Variants in ZNF521 observed in about 807,000 individuals in gnomAD.
ZNF521 encodes zinc finger protein 521, also known as LYST-interacting protein 3.
Under a neutral mutation model 105.5 loss-of-function variants are expected in ZNF521, and 14 were observed. The ratio of observed to expected loss-of-function variants is 0.13; its 90% CI spans 0.09 to 0.21. The LOEUF (loss-of-function observed/expected upper bound fraction) is 0.21, where lower values mean the gene tolerates loss of function less well. Among genes scored for constraint, ZNF521 ranks in the 10% least tolerant of loss-of-function variants. The pLI is 1.00. For synonymous variants in ZNF521, 635 were observed against 606.0 expected, an observed-to-expected ratio of 1.05 and a Z score of -0.70; for missense variants, 1,233 against 1,629.7, an observed-to-expected ratio of 0.76 and a Z score of 4.19.
intron 3 of ZNF521, among the ~76,000 whole-genome samples, chr18:25,263,606 C>G (rs983916704): frequency 6.6e-6 from 1 of 151,316 alleles, no homozygotes; most frequent in Admixed American, 6.6e-5. Context: ...AACAGAGTCT[C>G]GCTCTGTCGC....
At chr18:25,328,402 A>AACAC (rs57967888) in intron 2 of ZNF521, among the ~76,000 whole-genome samples, 1,918 of 141,726 alleles carry the variant, frequency 0.014, 14 homozygotes, top group Non-Finnish European at 0.013. Flanking sequence ...GGGGAGGTTA[A>AACAC]ACACACACAC....
intron 2 of ZNF521, among the ~76,000 whole-genome samples, chr18:25,336,014 A>G (rs1005197671): frequency 6.6e-6 from 1 of 152,194 alleles, no homozygotes; most frequent in African/African-American, 2.4e-5. Context: ...AACAGTTAGG[A>G]TTTACTGCAG....
chr18:25,239,478 G>A (rs1417124053), intron 3 of ZNF521, among the ~76,000 whole-genome samples: 2 of 152,150 alleles, frequency 1.3e-5, no homozygotes, highest in African/African-American at 4.8e-5. Context: ...CACTATCAAA[G>A]GTAGCTCATC....
At position 25,227,237 on chromosome 18, in the gene ZNF521, G is replaced by T; in HGVS notation, c.681C>A (p.Asn227Lys). 1 of 1,614,148 alleles carries T rather than the reference G, an allele frequency of 6.2e-7. No individual in the cohort carries two copies. Among genetic ancestry groups the T allele is most frequent in the Non-Finnish European group, 8.5e-7 (1 of 1,180,022 alleles). The change falls in exon 4 of 8, where the codon AAC becomes AAA. Residue 227 changes from asparagine to lysine, a missense_variant. Physicochemically the swap from Asn to Lys is moderately conservative, Grantham distance 94 (BLOSUM62 0). This residue lies in a region of ZNF521 where 380 missense variants were observed against 478.0 expected (regional missense o/e 0.80). Transcript: ENST00000361524. The surrounding 1 kb of genome is among the most constrained non-coding windows in gnomAD (Gnocchi z 5.7). The stretch of plus-strand genomic sequence containing the variant: ...TGGAACCGGACTGAGAGCCGTCCTT[G>T]TTCCTCTCATGAACCTGCATGTGTC... ...LHGHMQVHER[N>K]KDGSQSGSRM... is the part of the protein sequence containing the mutation.
chr18:25,347,325 G>A (rs532320174), intron 2 of ZNF521, among the ~76,000 whole-genome samples: 1 of 152,290 alleles, frequency 6.6e-6, no homozygotes, highest in East Asian at 1.9e-4. Context: ...TTAAATAGAA[G>A]GGGTTATCCA....
At chr18:25,305,247 A>C (rs1274226547) in intron 3 of ZNF521, among the ~76,000 whole-genome samples, 1 of 152,214 alleles carries the variant, frequency 6.6e-6, no homozygotes, top group African/African-American at 2.4e-5. Context: ...ATGAGGTATC[A>C]ATATTTTTCA....
At chr18:25,216,521 G>C (rs1905331971) in intron 4 of ZNF521, among the ~76,000 whole-genome samples, 2 of 152,180 alleles carry the variant, frequency 1.3e-5, no homozygotes, top group Admixed American at 6.5e-5. Context: ...CTTATGATAA[G>C]TTGATGGGCA....
At chr18:25,117,829 A>C (rs985073759) in intron 5 of ZNF521, among the ~76,000 whole-genome samples, 1 of 152,112 alleles carries the variant, frequency 6.6e-6, no homozygotes, top group Non-Finnish European at 1.5e-5. Flanking sequence ...TAATAGTTTA[A>C]AAAATAATGG....
intron 7 of ZNF521, chr18:25,082,492 G>C (rs909409778): frequency 4.8e-6 from 2 of 420,854 alleles, no homozygotes; most frequent in Admixed American, 5.3e-5. Context: ...CACATGATAA[G>C]AGGCAAGACA....
Position 25,225,276 on chromosome 18 carries a change from G to A in ZNF521, c.2642C>T (p.Thr881Ile), listed in dbSNP as rs747261186. 6.2e-7 allele frequency: 1 copy of A among 1,614,110 alleles called. No individual in the cohort carries two copies. Among genetic ancestry groups the A allele is most frequent in the Non-Finnish European group, 8.5e-7 (1 of 1,180,018 alleles). Residue 881 changes from threonine (T) to isoleucine (I), a missense_variant, in exon 4 of 8, where the codon ACC (threonine) becomes ATC (isoleucine). Transcript: ENST00000361524. This position sits in a 1 kb window ranked among gnomAD's most constrained non-coding sequence, Gnocchi z 5.6. The stretch of plus-strand genomic sequence containing the variant: ...GTCGCAGCCGTACATAGGCTCAGAG[G>A]TGTCAACGTCTTCTTCGCTCCCATC... ...SHDGSEEDVD[T>I]SEPMYGCDIC...
chr18:25,064,002 G>A (rs1277614478), intron 7 of ZNF521, among the ~76,000 whole-genome samples: 1 of 152,204 alleles, frequency 6.6e-6, no homozygotes, highest in Non-Finnish European at 1.5e-5. Flanking sequence ...TCTCACTCAT[G>A]CCAATAATTC....
intron 5 of ZNF521, among the ~76,000 whole-genome samples, chr18:25,182,617 C>T (rs2035651154): frequency 4.6e-5 from 7 of 152,070 alleles, no homozygotes; most frequent in Admixed American, 4.6e-4. Flanking sequence ...AATCTCAAAA[C>T]AAAATGTACT....
At chr18:25,161,486 T>C (rs1438028483) in intron 5 of ZNF521, among the ~76,000 whole-genome samples, 1 of 152,196 alleles carries the variant, frequency 6.6e-6, no homozygotes, top group African/African-American at 2.4e-5. Context: ...ATGGCCAGCA[T>C]TGTGAATGAA....
intron 5 of ZNF521, among the ~76,000 whole-genome samples, chr18:25,111,225 T>C (rs773376426): frequency 6.6e-6 from 1 of 152,128 alleles, no homozygotes; most frequent in Non-Finnish European, 1.5e-5. Context: ...AAAGTTTTCT[T>C]TATTTTACAT....
At chr18:25,325,284 C>T (rs1156780619) in intron 2 of ZNF521, among the ~76,000 whole-genome samples, 2 of 152,220 alleles carry the variant, frequency 1.3e-5, no homozygotes, top group Admixed American at 1.3e-4. Context: ...AAAGCTTACA[C>T]TGTCAACCAT....
chr18:25,150,895 T>TTC (rs1873529844), intron 5 of ZNF521, among the ~76,000 whole-genome samples: 1 of 148,622 alleles, frequency 6.7e-6, no homozygotes, highest in African/African-American at 2.5e-5. Flanking sequence ...TTTTTTCTTT[T>TTC]TTTTTTTTTT....
chr18:25,108,681 G>A (rs2034122325), intron 5 of ZNF521, among the ~76,000 whole-genome samples: 1 of 152,186 alleles, frequency 6.6e-6, no homozygotes, highest in Non-Finnish European at 1.5e-5. Context: ...TTGGAGTGCA[G>A]TGGCTCGATC....
At chr18:25,158,814 G>A (rs973498986) in intron 5 of ZNF521, among the ~76,000 whole-genome samples, 25 of 152,084 alleles carry the variant, frequency 1.6e-4, no homozygotes, top group Admixed American at 7.9e-4. Flanking sequence ...AAAATTAGCC[G>A]GTGTGGTGGT....
intron 3 of ZNF521, among the ~76,000 whole-genome samples, chr18:25,264,373 A>C (rs918855972): frequency 6.6e-6 from 1 of 152,198 alleles, no homozygotes; most frequent in African/African-American, 2.4e-5. Context: ...AACTGAGTTG[A>C]TTAAATTCCT....
Sources: gnomAD v4.1 joint callset for allele counts (sites outside exome capture counted in the v4.1 genomes callset) on GRCh38, gnomAD v4.1.1 for gene constraint, gnomAD v4.1.1 regional missense constraint, Gnocchi (gnomAD v3.1) non-coding constraint, MANE v1.5 for transcripts, NCBI Gene and HGNC (gene_info 2026-07-23, HGNC 2026-07-21) for gene names.